KCNH8: variants seen among roughly 807,000 people sequenced by gnomAD.
KCNH8 encodes potassium voltage-gated channel subfamily H member 8.
A neutral mutation model predicts 103.6 loss-of-function variants in KCNH8; 70 were observed. That is an observed-to-expected ratio of 0.68 (90% confidence interval 0.56 to 0.82). KCNH8 has a LOEUF of 0.82. KCNH8 is among the 40% of genes least tolerant of loss of function. KCNH8 has a pLI of 0.00. For synonymous variants in KCNH8, 498 were observed against 489.4 expected (o/e 1.02, Z -0.23); for missense variants, 1,217 against 1,329.9 (o/e 0.92, Z 1.32).
intron 3 of KCNH8, among the ~76,000 whole-genome samples, chr3:19,307,110 C>T (rs2065140251): frequency 1.3e-5 from 2 of 151,794 alleles, no homozygotes; most frequent in South Asian, 2.1e-4. Flanking sequence ...GCCTAGAATA[C>T]TCACTGAGGA....
intron 5 of KCNH8, among the ~76,000 whole-genome samples, chr3:19,368,003 C>G (rs1459260214): frequency 2.0e-5 from 3 of 152,008 alleles, no homozygotes; most frequent in Non-Finnish European, 4.4e-5. Context: ...AAAAGGGAGA[C>G]TTATGACCAT....
At chr3:19,488,053 C>T (rs1299661525) in intron 11 of KCNH8, among the ~76,000 whole-genome samples, 1 of 152,210 alleles carries the variant, frequency 6.6e-6, no homozygotes, top group Non-Finnish European at 1.5e-5. Flanking sequence ...CGGCAGGCTC[C>T]TTGGGGGCGC....
intron 11 of KCNH8, among the ~76,000 whole-genome samples, chr3:19,461,461 G>A (rs939537405): frequency 9.9e-5 from 15 of 152,232 alleles, no homozygotes; most frequent in Admixed American, 8.5e-4. Context: ...ACTAACTGTA[G>A]AAGCAAGCCC....
intron 1 of KCNH8, among the ~76,000 whole-genome samples, chr3:19,171,564 G>A (rs948411251): frequency 1.3e-5 from 2 of 152,012 alleles, no homozygotes; most frequent in Non-Finnish European, 2.9e-5. Context: ...TCATTAGCTC[G>A]ACTCTATAAA....
At chr3:19,357,006 T>A (rs77351427) in intron 5 of KCNH8, among the ~76,000 whole-genome samples, 1,673 of 151,820 alleles carry the variant, frequency 0.011, 26 homozygotes, top group African/African-American at 0.037. Context: ...CTGAAAAATT[T>A]AAAAAAAAGC....
chr3:19,386,877 T>G (rs980165114), intron 5 of KCNH8, among the ~76,000 whole-genome samples: 3 of 152,138 alleles, frequency 2.0e-5, no homozygotes, highest in African/African-American at 7.2e-5. Context: ...ATTCAGTGTT[T>G]GCGAAGTTCC....
At chr3:19,424,281 G>C (rs542971792) in intron 7 of KCNH8, among the ~76,000 whole-genome samples, 1 of 152,086 alleles carries the variant, frequency 6.6e-6, no homozygotes, top group Non-Finnish European at 1.5e-5. Context: ...CCATGGAACA[G>C]AATTGAGATC....
At chr3:19,533,048 C>CA (rs1559374731) in intron 15 of KCNH8, among the ~76,000 whole-genome samples, 2 of 151,740 alleles carry the variant, frequency 1.3e-5, no homozygotes, top group Non-Finnish European at 2.9e-5. Context: ...ACTAAAAATA[C>CA]AAAAAATTAG....
At chr3:19,180,245 C>CCAAGACAGACTTGGCCCTTCAAAGGGA in intron 1 of KCNH8, among the ~76,000 whole-genome samples, 1 of 7,656 alleles carries the variant, frequency 1.3e-4, no homozygotes, top group Non-Finnish European at 3.5e-4. Flanking sequence ...GTTCAAAGGG[C>CCAAGACAGACTTGGCCCTTCAAAGGGA]CAAGACAGAC....
Position 19,156,921 on chromosome 3 carries a change from G to C in KCNH8, c.76+8126G>C, listed in dbSNP as rs532476774. Among the ~76,000 whole-genome samples the C allele has an allele frequency of 2.6e-5, 4 of 151,288 alleles. No homozygotes were observed. The South Asian group carries it at 8.4e-4, about 32-fold the overall frequency. ...CCTTTTCTCCACAATGAACTTGCAG[G>C]AAGAAGTAAGGGTAGTTAGCCCTCC... On this transcript the variant is annotated intron_variant, in intron 1 of 15. Coordinates refer to ENST00000328405, the MANE Select transcript of KCNH8 (RefSeq NM_144633.3).
At chr3:19,249,658 G>T (rs577748125) in intron 1 of KCNH8, among the ~76,000 whole-genome samples, 38 of 152,194 alleles carry the variant, frequency 2.5e-4, no homozygotes, top group African/African-American at 8.7e-4. Context: ...ATTAATAAAT[G>T]AAGCAAGTAA....
intron 3 of KCNH8, among the ~76,000 whole-genome samples, chr3:19,285,195 T>G (rs1446683309): frequency 6.6e-6 from 1 of 151,884 alleles, no homozygotes; most frequent in Non-Finnish European, 1.5e-5. Flanking sequence ...AAATTTAATG[T>G]AAGTTTAAAA....
chr3:19,193,954 A>C, intron 1 of KCNH8, among the ~76,000 whole-genome samples: 1 of 151,704 alleles, frequency 6.6e-6, no homozygotes, highest in East Asian at 1.9e-4. Context: ...TTGTGAAGGG[A>C]GGTGATATTG....
chr3:19,189,113 G>C (rs967250289), intron 1 of KCNH8, among the ~76,000 whole-genome samples: 2 of 152,010 alleles, frequency 1.3e-5, no homozygotes, highest in African/African-American at 4.8e-5. Flanking sequence ...TTAGATGTCA[G>C]CTAAATCAAA....
intron 3 of KCNH8, among the ~76,000 whole-genome samples, chr3:19,293,877 C>A (rs147189020): frequency 2.0e-5 from 3 of 152,270 alleles, no homozygotes; most frequent in African/African-American, 7.2e-5. Context: ...TATATGAATG[C>A]ATAAATGATG....
intron 2 of KCNH8, among the ~76,000 whole-genome samples, chr3:19,269,828 G>A (rs1253378224): frequency 6.6e-6 from 1 of 152,132 alleles, no homozygotes; most frequent in Non-Finnish European, 1.5e-5. Context: ...TCAAGTGAAG[G>A]AGAGTTAATT....
At chr3:19,380,326 T>C (rs2066271749) in intron 5 of KCNH8, among the ~76,000 whole-genome samples, 1 of 152,240 alleles carries the variant, frequency 6.6e-6, no homozygotes, top group African/African-American at 2.4e-5. Context: ...AATTGGTGAC[T>C]CTTTTGATAG....
At chr3:19,432,226 G>A (rs140109905) in intron 7 of KCNH8, among the ~76,000 whole-genome samples, 66 of 152,204 alleles carry the variant, frequency 4.3e-4, no homozygotes, top group African/African-American at 1.4e-3. Context: ...GGAAAAAAAC[G>A]TGATTAGAAT....
At chr3:19,341,015 GTTCGGCCC>G (rs766393473) in intron 3 of KCNH8, among the ~76,000 whole-genome samples, 22 of 152,258 alleles carry the variant, frequency 1.4e-4, no homozygotes, top group Non-Finnish European at 2.4e-4. Context: ...CAAGTTCCCT[GTTCGGCCC>G]TTGACTTGGT....
Sources: gnomAD v4.1 joint callset for allele counts (sites outside exome capture counted in the v4.1 genomes callset) on GRCh38, gnomAD v4.1.1 for gene constraint, MANE v1.5 for transcripts, NCBI Gene and HGNC (gene_info 2026-07-23, HGNC 2026-07-21) for gene names.